EVPLL: variants seen among roughly 807,000 people sequenced by gnomAD.
EVPLL encodes envoplakin-like protein.
In EVPLL, 39 loss-of-function variants were observed where a neutral mutation model predicts 46.2. That is an observed-to-expected ratio of 0.84 (90% CI 0.65 to 1.10). The LOEUF is 1.10. Ranked by LOEUF, EVPLL falls within the 50% of genes least tolerant of loss-of-function variation. EVPLL has a pLI of 0.00. For missense variants in EVPLL, 385 were observed against 412.6 expected (o/e 0.93, Z 0.58); for synonymous variants, 156 against 165.8 (o/e 0.94, Z 0.46).
At chr17:18,383,988 T>C (rs971662048) in intron 9 of EVPLL, among the ~76,000 whole-genome samples, 1 of 151,518 alleles carries the variant, frequency 6.6e-6, no homozygotes, top group African/African-American at 2.4e-5. Context: ...TAAAATAAAA[T>C]AGAGCTGTGT....
intron 9 of EVPLL, 133 bp from the exon 10 acceptor site, chr17:18,388,086 A>C: frequency 2.3e-6 from 1 of 425,648 alleles, no homozygotes; most frequent in Non-Finnish European, 4.3e-6. Flanking sequence ...TAGTGTGTGT[A>C]ATGGTTGTCT....
Position 18,383,333 on chromosome 17 carries a change from C to G in EVPLL, c.735C>G (p.Gly245=). ...GCGTAAACCAGCTGGAGGAGGACGG[C>G]AAGCGCATGGTGGAGCTGCGGCACC... The part of the protein sequence containing the change: ...EQSVNQLEED[G]KRMVELRHPA... Residue 245 remains glycine (G), a synonymous_variant, in exon 8 of 11, where the codon GGC becomes GGG. Coordinates refer to ENST00000399134, the MANE Select transcript of EVPLL (RefSeq NM_001145127.2). 3 of 1,604,664 alleles carry G rather than the reference C, an allele frequency of 1.9e-6. No individual in the cohort carries two copies. The highest frequency in any genetic ancestry group is 2.5e-6 in the Non-Finnish European group (3 of 1,176,532).
chr17:18,381,713 G>A lies in EVPLL; in HGVS notation c.329G>A (p.Arg110His), dbSNP rs560563801. The A allele has an allele frequency of 3.7e-6, 6 of 1,614,068 alleles. No homozygotes were observed. Among genetic ancestry groups the A allele is most frequent in the Admixed American group, 1.7e-5 (1 of 60,006 alleles). ...RRGIQGRLGT[R>H]AGAETEAGLR... ...GGGATCCAAGGTCGACTGGGCACAC[G>A]TGCTGGAGCAGAAACAGGTCAGGAG... Residue 110 changes from arginine (R) to histidine (H), a missense_variant, in exon 4 of 11, where the codon CGT becomes CAT. Physicochemically the swap from Arg to His is conservative, Grantham distance 29. Transcript: ENST00000399134. The surrounding 1 kb of genome is among the most constrained non-coding windows in gnomAD (Gnocchi z 4.2).
chr17:18,380,855 A>G, intron 1 of EVPLL, 47 bp from the exon 2 acceptor site: 1 of 1,486,442 alleles, frequency 6.7e-7, no homozygotes, highest in Non-Finnish European at 9.2e-7. Context: ...TGGGGCACAG[A>G]GGGGCCTCTT....
At chr17:18,382,154 G>A in intron 4 of EVPLL, 1 of 342,786 alleles carries the variant, frequency 2.9e-6, no homozygotes, top group Admixed American at 4.0e-5. Flanking sequence ...AGTGGGGAAG[G>A]GCCCGGGTGC....
intron 5 of EVPLL, 68 bp downstream of exon 5, chr17:18,382,706 AGCTAGATCG>A: frequency 6.5e-7 from 1 of 1,547,470 alleles, no homozygotes; most frequent in Non-Finnish European, 8.7e-7. Flanking sequence ...TCAGAGCCGG[AGCTAGATCG>A]GCTGGGCCCT....
At chr17:18,382,004 G>A in intron 4 of EVPLL, 1 of 516,612 alleles carries the variant, frequency 1.9e-6, no homozygotes, top group Non-Finnish European at 3.5e-6. Flanking sequence ...GCACCTGCCA[G>A]GAGGAAGCCT....
At position 18,381,136 on chromosome 17, in the gene EVPLL, G is replaced by A. The variant is rs1027400985; in HGVS notation, c.63+136G>A. 1.2e-5 allele frequency: 15 copies of A among 1,240,376 alleles called. No homozygotes were observed. In the African/African-American group the frequency reaches 1.8e-4, roughly 15 times the overall value. 76.8% of individuals were successfully genotyped at this position (1,240,376 alleles called of 1,614,324 possible). On this transcript the variant is annotated intron_variant, in intron 2 of 10. Coordinates refer to ENST00000399134, the MANE Select transcript of EVPLL (RefSeq NM_001145127.2). This position sits in a 1 kb window ranked among gnomAD's most constrained non-coding sequence, Gnocchi z 4.2. Reference sequence around the variant, plus strand: ...AGATGACATTTGTCCTGCACCGCCTGTCCCCTAACACACGGTGGGAGAGAG... The same window carrying A: ...AGATGACATTTGTCCTGCACCGCCTATCCCCTAACACACGGTGGGAGAGAG...
chr17:18,378,309 C>G (rs1055417280), intron 1 of EVPLL, among the ~76,000 whole-genome samples: 1 of 152,170 alleles, frequency 6.6e-6, no homozygotes, highest in African/African-American at 2.4e-5. Context: ...CTGCCAGAGG[C>G]TGGGACACAG....
chr17:18,385,909 C>CTACA (rs1448114855), intron 9 of EVPLL, among the ~76,000 whole-genome samples: 2 of 152,178 alleles, frequency 1.3e-5, no homozygotes, highest in African/African-American at 4.8e-5. Context: ...TCTTGCAAAC[C>CTACA]TACACCCAGC....
chr17:18,382,202 G>T (rs1189543194), intron 4 of EVPLL: 4 of 367,952 alleles, frequency 1.1e-5, no homozygotes, highest in African/African-American at 2.1e-5. Context: ...TTGGCTGGAG[G>T]TGTCCAGGCA....
intron 4 of EVPLL, chr17:18,382,114 G>A (rs1403983681): frequency 2.7e-6 from 1 of 366,318 alleles, no homozygotes; most frequent in African/African-American, 2.1e-5. Context: ...ATGCCACACA[G>A]AAGGGGTGTC....
Position 18,382,615 on chromosome 17 carries a change from C to G in EVPLL, c.449C>G (p.Ala150Gly), listed in dbSNP as rs369250177. Residue 150 changes from alanine (A) to glycine (G), a missense_variant, in exon 5 of 11, where the codon GCA (alanine) becomes GGA (glycine). By Grantham distance (60) the Ala-to-Gly change is moderately conservative. Coordinates refer to ENST00000399134, the MANE Select transcript of EVPLL (RefSeq NM_001145127.2). ...RAEGDQRPRR[A>G]AAEPGGAGCR... Reference sequence around the variant, plus strand: ...GAAGGAGATCAACGACCAAGGAGAGCAGCTGCGGAGCCTGGTGGGGCCGGT... The same window carrying G: ...GAAGGAGATCAACGACCAAGGAGAGGAGCTGCGGAGCCTGGTGGGGCCGGT... The G allele has an allele frequency of 1.3e-6, 2 of 1,552,022 alleles. No homozygotes were observed. Among genetic ancestry groups the G allele is most frequent in the South Asian group, 1.2e-5 (1 of 84,058 alleles).
Position 18,388,308 on chromosome 17 carries a change from G to C in EVPLL, c.*40+20G>C. 1.8e-6 allele frequency: 2 copies of C among 1,141,410 alleles called. No homozygotes were observed. The highest frequency in any genetic ancestry group is 2.7e-5 in the South Asian group (2 of 74,812). The allele number at this position is 1,141,410 out of a possible 1,614,324, so 70.7% of individuals were successfully genotyped here. On this transcript the variant is annotated intron_variant, in intron 10 of 10. Coordinates refer to ENST00000399134, the MANE Select transcript of EVPLL (RefSeq NM_001145127.2). ...TAGCAGGTGAGAAATGAAGTACCAA[G>C]AAACTAGCAAAGGGTCTTCTGGTTG... is the stretch of plus-strand genomic sequence containing the variant.
chr17:18,381,469 G>A lies in EVPLL; in HGVS notation c.166G>A (p.Val56Met), dbSNP rs745539671. 6.2e-6 allele frequency: 10 copies of A among 1,613,722 alleles called. No homozygotes were observed. Among genetic ancestry groups the A allele is most frequent in the Non-Finnish European group, 8.5e-6 (10 of 1,179,982 alleles). Residue 56 changes from valine (V) to methionine (M), a missense_variant, in exon 3 of 11, where the codon GTG becomes ATG. Val to Met is a conservative substitution (Grantham distance 21). Coordinates refer to ENST00000399134, the MANE Select transcript of EVPLL (RefSeq NM_001145127.2). This position sits in a 1 kb window ranked among gnomAD's most constrained non-coding sequence, Gnocchi z 4.2. Reference sequence around the variant, plus strand: ...GCTGCTCAAGGACCTCTTCCTGGACGTGGACAAGGCCCGGCGGCTCAAGCA... The same window carrying A: ...GCTGCTCAAGGACCTCTTCCTGGACATGGACAAGGCCCGGCGGCTCAAGCA... ...EVLLKDLFLD[V>M]DKARRLKHPQ...
At chr17:18,388,043 C>CATATATACATATGTATAT (rs1987830016) in intron 9 of EVPLL, 176 bp from the exon 10 acceptor site, 1 of 166,708 alleles carries the variant, frequency 6.0e-6, no homozygotes, top group African/African-American at 3.2e-5. Context: ...TATATATATA[C>CATATATACATATGTATAT]ATATATATGT....
At position 18,381,365 on chromosome 17, in the gene EVPLL, A is replaced by C; in HGVS notation, c.64-2A>C. On this transcript the variant is annotated splice_acceptor_variant, in intron 2 of 10. Coordinates refer to ENST00000399134, the MANE Select transcript of EVPLL (RefSeq NM_001145127.2). LOFTEE classifies it high-confidence loss of function. The surrounding 1 kb of genome is among the most constrained non-coding windows in gnomAD (Gnocchi z 4.2). ...GCAAGTCTGCCCATCCCCTGCCCACAGGACCGGCTGAACAGTGAGCAGAGC... is the reference window on the plus strand; with the variant it reads ...GCAAGTCTGCCCATCCCCTGCCCACCGGACCGGCTGAACAGTGAGCAGAGC... 1 of 1,554,292 alleles carries C rather than the reference A, an allele frequency of 6.4e-7. No homozygotes were observed. Among genetic ancestry groups the C allele is most frequent in the Non-Finnish European group, 8.7e-7 (1 of 1,148,370 alleles).
intron 9 of EVPLL, 77 bp from the exon 10 acceptor site, chr17:18,388,142 C>G (rs578670): frequency 0.51 from 379,498 of 745,068 alleles, 95,873 homozygotes; most frequent in African/African-American, 0.64. Flanking sequence ...CAAATAATAC[C>G]CATAGTGTAG....
chr17:18,383,168 G>A lies in EVPLL; in HGVS notation c.655G>A (p.Val219Met), dbSNP rs1305312671. 4 of 1,549,466 alleles carry A rather than the reference G, an allele frequency of 2.6e-6. No individual in the cohort carries two copies. Among genetic ancestry groups the A allele is most frequent in the Non-Finnish European group, 3.5e-6 (4 of 1,153,420 alleles). ...CGACCTCATGGCCGACCCTGCGGGC[G>A]TGCGGCGGGAATACGAGGTCGGCTG... ...WSDLMADPAG[V>M]RREYEHFKQH... is the part of the protein sequence containing the mutation. Residue 219 changes from valine to methionine, a missense_variant, in exon 7 of 11, where the codon GTG (valine) becomes ATG (methionine). Coordinates refer to ENST00000399134, the MANE Select transcript of EVPLL (RefSeq NM_001145127.2).
Sources: gnomAD v4.1 joint callset for allele counts (sites outside exome capture counted in the v4.1 genomes callset) on GRCh38, gnomAD v4.1.1 for gene constraint, Gnocchi (gnomAD v3.1) non-coding constraint, MANE v1.5 for transcripts, NCBI Gene and HGNC (gene_info 2026-07-23, HGNC 2026-07-21) for gene names.